RHOBTB1: variants seen among roughly 807,000 people sequenced by gnomAD.
The protein encoded by RHOBTB1 is rho-related BTB domain-containing protein 1.
Under a neutral mutation model 71.6 loss-of-function variants are expected in RHOBTB1, and 40 were observed. The observed-to-expected ratio is 0.56, with a 90% confidence interval of 0.43 to 0.73. The LOEUF (loss-of-function observed/expected upper bound fraction) is 0.73, where lower values mean the gene tolerates loss of function less well. Ranked by LOEUF, RHOBTB1 falls within the 30% of genes least tolerant of loss-of-function variation. The pLI, the probability that RHOBTB1 is intolerant of heterozygous loss-of-function variation, is 0.00. For synonymous variants in RHOBTB1, 319 were observed against 334.9 expected, an observed-to-expected ratio of 0.95 and a Z score of 0.52; for missense variants, 797 against 894.0, an observed-to-expected ratio of 0.89 and a Z score of 1.38.
chr10:60,905,486 G>A (rs190203900), intron 4 of RHOBTB1, among the ~76,000 whole-genome samples: 2 of 138,958 alleles, frequency 1.4e-5, no homozygotes, highest in East Asian at 4.1e-4. Flanking sequence ...TTCAAATTAA[G>A]GCAAAAAAAT....
At chr10:60,963,563 A>G (rs2085858337) in intron 2 of RHOBTB1, among the ~76,000 whole-genome samples, 1 of 152,106 alleles carries the variant, frequency 6.6e-6, no homozygotes, top group Non-Finnish European at 1.5e-5. Flanking sequence ...TTGTCTATCT[A>G]GGAAGCTTCC....
intron 2 of RHOBTB1, among the ~76,000 whole-genome samples, chr10:60,922,395 C>T (rs1260269171): frequency 1.3e-5 from 2 of 152,172 alleles, no homozygotes; most frequent in East Asian, 1.9e-4. Flanking sequence ...CATCTCATTG[C>T]AAGTAGCCTT....
At chr10:60,861,325 A>G in the RHOBTB1 span, among the ~76,000 whole-genome samples, 1 of 152,200 alleles carries the variant, frequency 6.6e-6, no homozygotes, top group African/African-American at 2.4e-5. Flanking sequence ...GTCAAATGGA[A>G]TTTCTCTAGG....
intron 4 of RHOBTB1, among the ~76,000 whole-genome samples, chr10:60,900,097 A>AG (rs1467497457): frequency 3.3e-5 from 5 of 152,172 alleles, no homozygotes; most frequent in Non-Finnish European, 7.4e-5. Context: ...CACAGTCGTG[A>AG]GGGGAAACTG....
At chr10:60,925,966 C>G (rs2133851807) in intron 2 of RHOBTB1, among the ~76,000 whole-genome samples, 1 of 152,208 alleles carries the variant, frequency 6.6e-6, no homozygotes, top group South Asian at 2.1e-4. Flanking sequence ...CGTGGTGTCT[C>G]ACACCCGTAA....
chr10:60,920,621 CTT>C (rs66851123), intron 2 of RHOBTB1, among the ~76,000 whole-genome samples: 10 of 135,760 alleles, frequency 7.4e-5, no homozygotes, highest in African/African-American at 1.9e-4. Context: ...TTCTGATTTG[CTT>C]TTTTTTTTTT....
chr10:60,866,985 C>CA (rs1271917174), downstream of RHOBTB1, among the ~76,000 whole-genome samples: 2 of 152,064 alleles, frequency 1.3e-5, no homozygotes, highest in Non-Finnish European at 2.9e-5. Context: ...AAACCAAGGT[C>CA]AAAAATGCTG....
intron 2 of RHOBTB1, among the ~76,000 whole-genome samples, chr10:60,977,891 T>A (rs571867765): frequency 1.3e-5 from 2 of 152,236 alleles, no homozygotes; most frequent in South Asian, 4.1e-4. Context: ...AAATAAATAT[T>A]CTGCATGATG....
chr10:60,932,513 T>TAAAAAAA (rs3049595), intron 2 of RHOBTB1, among the ~76,000 whole-genome samples: 7 of 107,938 alleles, frequency 6.5e-5, no homozygotes, highest in Non-Finnish European at 1.1e-4. Context: ...TTTCTTAAAG[T>TAAAAAAA]AAAAAAAAAA....
At chr10:60,872,916 C>T (rs996720273) in intron 9 of RHOBTB1, among the ~76,000 whole-genome samples, 1 of 152,154 alleles carries the variant, frequency 6.6e-6, no homozygotes, top group African/African-American at 2.4e-5. Context: ...TCTACTCCCC[C>T]ATTCCCTCCC....
upstream of RHOBTB1, among the ~76,000 whole-genome samples, chr10:60,948,169 C>G (rs146811341): frequency 2.8e-4 from 42 of 152,126 alleles, no homozygotes; most frequent in South Asian, 3.3e-3. Context: ...GATTGTCTGT[C>G]TTTTTACTGT....
intron 2 of RHOBTB1, among the ~76,000 whole-genome samples, chr10:60,955,680 G>C (rs1206768447): frequency 2.6e-5 from 4 of 152,110 alleles, no homozygotes; most frequent in African/African-American, 9.7e-5. Context: ...GTGTAAGAAA[G>C]CCTTCCCTTA....
In RHOBTB1 at chr10:60,911,120, T is replaced by C. The variant is rs1173604267; in HGVS notation, c.193-130A>G. On this transcript the variant is annotated intron_variant, in intron 3 of 10. Transcript: ENST00000337910. The stretch of plus-strand genomic sequence containing the variant: ...AGTTTCCTTATTCTATCTGACGGGA[T>C]TTAAGCTAAGTCTTAATTCCCTTCC... 1.6e-5 allele frequency: 13 copies of C among 790,506 alleles called. No individual in the cohort carries two copies. The African/African-American group carries it at 1.9e-4, about 12-fold the overall frequency. The allele number at this position is 790,506 out of a possible 1,614,324, so 49.0% of individuals were successfully genotyped here. A position where few individuals can be genotyped will look rare whatever the true frequency, so the allele number is the denominator to read the frequency against.
Position 60,916,807 on chromosome 10 carries a change from C to T in RHOBTB1, c.-10-5255G>A, listed in dbSNP as rs181121946. Among the ~76,000 whole-genome samples, 46 of 152,300 alleles carry T rather than the reference C, an allele frequency of 3.0e-4. No homozygotes were observed. In the East Asian group the frequency reaches 4.1e-3, roughly 13 times the overall value. ...GATGGAATTAAGGTTGTTAGTCAGC[C>T]GACCTTAATATAAGCAGATTATCCT... On this transcript the variant is annotated intron_variant, in intron 2 of 10. Transcript: ENST00000337910.
chr10:60,881,206 G>A (rs2081314489), intron 7 of RHOBTB1, among the ~76,000 whole-genome samples: 1 of 152,066 alleles, frequency 6.6e-6, no homozygotes, highest in Non-Finnish European at 1.5e-5. Flanking sequence ...TGATTGTGAG[G>A]CCTCCCAAGC....
chr10:60,933,946 T>C (rs918292549), intron 2 of RHOBTB1, among the ~76,000 whole-genome samples: 30 of 152,174 alleles, frequency 2.0e-4, no homozygotes, highest in African/African-American at 6.8e-4. Context: ...CACAAAGAGA[T>C]TGAGATATAG....
At chr10:60,922,225 C>A (rs901180528) in intron 2 of RHOBTB1, among the ~76,000 whole-genome samples, 2 of 152,022 alleles carry the variant, frequency 1.3e-5, no homozygotes, top group African/African-American at 4.8e-5. Context: ...GCACACGTAC[C>A]CATTACATAT....
chr10:60,946,949 G>A (rs2085258198), upstream of RHOBTB1, among the ~76,000 whole-genome samples: 1 of 152,206 alleles, frequency 6.6e-6, no homozygotes. Flanking sequence ...TTCAGATAGA[G>A]CAGAGGAAAA....
At chr10:60,955,137 T>C (rs1372315940) in intron 2 of RHOBTB1, among the ~76,000 whole-genome samples, 2 of 151,314 alleles carry the variant, frequency 1.3e-5, no homozygotes, top group Non-Finnish European at 2.9e-5. Flanking sequence ...CTCCACTTCC[T>C]GGGTTCAAGC....
Sources: allele counts gnomAD v4.1 joint callset (sites outside exome capture counted in the v4.1 genomes callset), GRCh38; gene constraint gnomAD v4.1.1; transcripts MANE v1.5; gene names NCBI Gene and HGNC (gene_info 2026-07-23, HGNC 2026-07-21).